CTDSPL: variants seen among roughly 807,000 people sequenced by gnomAD.
CTDSPL encodes CTD small phosphatase-like protein.
Under a neutral mutation model 30.5 loss-of-function variants are expected in CTDSPL, and 8 were observed. The observed-to-expected ratio is 0.26, with a 90% CI of 0.15 to 0.47. The LOEUF (loss-of-function observed/expected upper bound fraction) is 0.47. CTDSPL is among the 20% of genes least tolerant of loss of function. The pLI is 0.99. For missense variants in CTDSPL, 248 were observed against 366.1 expected, an observed-to-expected ratio of 0.68 and a Z score of 2.63; for synonymous variants, 110 against 137.9, an observed-to-expected ratio of 0.80 and a Z score of 1.42.
chr3:37,890,762 TG>T (rs1698315375), intron 1 of CTDSPL, among the ~76,000 whole-genome samples: 1 of 152,166 alleles, frequency 6.6e-6, no homozygotes, highest in African/African-American at 2.4e-5. Context: ...GGCAGGTAAC[TG>T]GGCTATCTCC....
At chr3:37,974,849 A>G (rs1232940132) in intron 6 of CTDSPL, among the ~76,000 whole-genome samples, 2 of 152,166 alleles carry the variant, frequency 1.3e-5, no homozygotes, top group African/African-American at 4.8e-5. Context: ...CATGCCATTC[A>G]AGACACATTG....
intron 1 of CTDSPL, among the ~76,000 whole-genome samples, chr3:37,931,270 T>G (rs1698852288): frequency 6.6e-6 from 1 of 151,896 alleles, no homozygotes; most frequent in South Asian, 2.1e-4. Flanking sequence ...ACCTCAGCCT[T>G]TCAGATAGCT....
At chr3:37,882,439 C>T (rs1407820682) in intron 1 of CTDSPL, among the ~76,000 whole-genome samples, 9 of 67,576 alleles carry the variant, frequency 1.3e-4, no homozygotes, top group Non-Finnish European at 2.3e-4. Context: ...AAGACTCTAA[C>T]TCAAAAAAAA....
At chr3:37,873,639 C>T (rs967904276) in intron 1 of CTDSPL, among the ~76,000 whole-genome samples, 1 of 152,092 alleles carries the variant, frequency 6.6e-6, no homozygotes, top group East Asian at 1.9e-4. Context: ...GCAGAAGTCC[C>T]CTGATTTTTA....
At chr3:37,979,369 G>A (rs778792309) in intron 7 of CTDSPL, among the ~76,000 whole-genome samples, 1 of 151,990 alleles carries the variant, frequency 6.6e-6, no homozygotes, top group Non-Finnish European at 1.5e-5. Flanking sequence ...TTGGGAGGCC[G>A]AGGTGGGTGG....
At chr3:37,943,273 T>C (rs1244538017) in intron 1 of CTDSPL, among the ~76,000 whole-genome samples, 1 of 150,020 alleles carries the variant, frequency 6.7e-6, no homozygotes, top group East Asian at 2.0e-4. Context: ...CATGGGGCGG[T>C]TGGCGAAGGC....
chr3:37,877,102 T>C (rs1189111354), intron 1 of CTDSPL, among the ~76,000 whole-genome samples: 1 of 143,212 alleles, frequency 7.0e-6, no homozygotes, highest in African/African-American at 2.6e-5. Flanking sequence ...TGAGACTCTG[T>C]CTCAAAAAAA....
chr3:37,868,615 C>T (rs1698038928), intron 1 of CTDSPL, among the ~76,000 whole-genome samples: 1 of 151,940 alleles, frequency 6.6e-6, no homozygotes, highest in Non-Finnish European at 1.5e-5. Flanking sequence ...GGTTTTTTGT[C>T]TCTGAGTGTC....
intron 1 of CTDSPL, among the ~76,000 whole-genome samples, chr3:37,906,838 C>T (rs1698521298): frequency 6.6e-6 from 1 of 152,200 alleles, no homozygotes; most frequent in South Asian, 2.1e-4. Flanking sequence ...TCACTTCGCC[C>T]TCTGAGCCTT....
At chr3:37,913,767 C>T (rs1352146779) in intron 1 of CTDSPL, among the ~76,000 whole-genome samples, 7 of 152,138 alleles carry the variant, frequency 4.6e-5, no homozygotes, top group Admixed American at 3.3e-4. Context: ...CGTTGGTTTC[C>T]GTCTGGTGAA....
intron 1 of CTDSPL, among the ~76,000 whole-genome samples, chr3:37,925,366 T>A (rs1281026184): frequency 1.3e-5 from 2 of 152,182 alleles, no homozygotes; most frequent in East Asian, 3.9e-4. Context: ...CTCCAAGCAT[T>A]GGTTCCTGGG....
At chr3:37,957,064 A>G in intron 2 of CTDSPL, 47 bp from the exon 3 acceptor site, 1 of 1,525,136 alleles carries the variant, frequency 6.6e-7, no homozygotes, top group Non-Finnish European at 9.0e-7. Flanking sequence ...TGAGAATATG[A>G]TCTTCTCTTC....
At chr3:37,891,929 C>T (rs931018503) in intron 1 of CTDSPL, among the ~76,000 whole-genome samples, 6 of 152,170 alleles carry the variant, frequency 3.9e-5, no homozygotes, top group Middle Eastern at 3.4e-3. Flanking sequence ...TGCTTATGTA[C>T]TTTACAACAG....
rs145188467 is a variant in CTDSPL, at chr3:37,968,078, A to G, written c.426+196A>G. 5 of 545,170 alleles carry G rather than the reference A, an allele frequency of 9.2e-6. No individual in the cohort carries two copies. In the East Asian group the frequency reaches 9.4e-5, roughly 10 times the overall value. 33.8% of individuals were successfully genotyped at this position (545,170 alleles called of 1,614,324 possible). Reference sequence around the variant, plus strand: ...TTTATACTGAGATTATAAGGAAACTATAGTCGTAAATATTAGATGCGGTTG... The same window carrying G: ...TTTATACTGAGATTATAAGGAAACTGTAGTCGTAAATATTAGATGCGGTTG... On this transcript the variant is annotated intron_variant, in intron 5 of 7. Coordinates refer to ENST00000273179, the MANE Select transcript of CTDSPL (RefSeq NM_001008392.2).
chr3:37,934,351 A>G (rs1450521789), intron 1 of CTDSPL, among the ~76,000 whole-genome samples: 1 of 152,084 alleles, frequency 6.6e-6, no homozygotes, highest in Non-Finnish European at 1.5e-5. Flanking sequence ...AAAGAAAGAA[A>G]GAAAAGATGG....
chr3:37,979,770 A>T (rs1699469303), intron 7 of CTDSPL, among the ~76,000 whole-genome samples: 1 of 152,204 alleles, frequency 6.6e-6, no homozygotes, highest in African/African-American at 2.4e-5. Flanking sequence ...ACACACACAC[A>T]CACAAATCAC....
chr3:37,960,535 TACACAC>T lies in CTDSPL; in HGVS notation c.267+3430_267+3435del, dbSNP rs71288085. Among the ~76,000 whole-genome samples, 89 of 16,256 alleles carry T rather than the reference TACACAC, an allele frequency of 5.5e-3. 1 individual carries two copies. The highest frequency in any genetic ancestry group is 0.011 in the African/African-American group (43 of 3,886). The allele number at this position is 16,256 out of a possible 152,430, so 10.7% of individuals were successfully genotyped here. On this transcript the variant is annotated intron_variant, in intron 3 of 7. Transcript: ENST00000273179. ...ATATATATATATATATATATATATA[TACACAC>T]ACACACACACACACACACACACACA...
intron 3 of CTDSPL, among the ~76,000 whole-genome samples, chr3:37,963,429 A>G (rs1699264898): frequency 6.6e-6 from 1 of 152,252 alleles, no homozygotes; most frequent in Non-Finnish European, 1.5e-5. Context: ...GAGCCACGTA[A>G]AAGGAAATAC....
chr3:37,967,934 C>A (rs1242764505), intron 5 of CTDSPL, 52 bp downstream of exon 5: 5 of 1,208,032 alleles, frequency 4.1e-6, no homozygotes, highest in Non-Finnish European at 4.8e-6. Flanking sequence ...TTAGTACTTA[C>A]ATTTCCTATG....
Sources: allele counts gnomAD v4.1 joint callset (sites outside exome capture counted in the v4.1 genomes callset), GRCh38; gene constraint gnomAD v4.1.1; transcripts MANE v1.5; gene names NCBI Gene and HGNC (gene_info 2026-07-23, HGNC 2026-07-21).